Variants in SCNN1B observed in about 807,000 individuals in gnomAD.
The protein encoded by SCNN1B is sodium channel epithelial 1 subunit beta, also known as epithelial sodium channel subunit beta.
Under a neutral mutation model 65.3 loss-of-function variants are expected in SCNN1B, and 46 were observed. That is an observed-to-expected ratio of 0.70 (90% CI 0.56 to 0.90). The LOEUF (loss-of-function observed/expected upper bound fraction) is 0.90, where lower values mean the gene tolerates loss of function less well. Ranked by LOEUF, SCNN1B falls within the 40% of genes least tolerant of loss-of-function variation. SCNN1B has a pLI of 0.00. For missense variants in SCNN1B, 751 were observed against 830.5 expected, an observed-to-expected ratio of 0.90 and a Z score of 1.18; for synonymous variants, 349 against 330.6, an observed-to-expected ratio of 1.06 and a Z score of -0.60.
chr16:23,360,134 G>T (rs903199217), intron 4 of SCNN1B, among the ~76,000 whole-genome samples: 18 of 151,994 alleles, frequency 1.2e-4, no homozygotes, highest in Non-Finnish European at 1.8e-4. Context: ...GGAGGCAGAG[G>T]TTGCAGTGAG....
At chr16:23,372,020 G>A (rs1337275215) in intron 7 of SCNN1B, 137 bp downstream of exon 7, 2 of 723,250 alleles carry the variant, frequency 2.8e-6, no homozygotes, top group Non-Finnish European at 5.0e-6. Context: ...GGGCACCCCG[G>A]GCCTGTGGGA....
chr16:23,297,714 A>T (rs1210589692), upstream of SCNN1B, among the ~76,000 whole-genome samples: 1 of 152,222 alleles, frequency 6.6e-6, no homozygotes. Context: ...ATATATGAAC[A>T]AATTACTATC....
intron 5 of SCNN1B, 38 bp downstream of exon 5, chr16:23,367,997 C>A (rs1341540497): frequency 2.8e-6 from 4 of 1,446,422 alleles, no homozygotes; most frequent in Non-Finnish European, 3.9e-6. Context: ...AGCCATGAGG[C>A]TTTAACCACC....
chr16:23,281,884 T>G (rs1283029085), intron 1 of SCNN1B, among the ~76,000 whole-genome samples: 1 of 152,124 alleles, frequency 6.6e-6, no homozygotes, highest in Non-Finnish European at 1.5e-5. Context: ...TGTGGAAAAC[T>G]GGGGATCATA....
intron 1 of SCNN1B, among the ~76,000 whole-genome samples, chr16:23,306,357 G>T: frequency 6.6e-6 from 1 of 152,134 alleles, no homozygotes; most frequent in East Asian, 1.9e-4. Flanking sequence ...GTTATGTTGG[G>T]CATTAAATGA....
intron 10 of SCNN1B, among the ~76,000 whole-genome samples, 181 bp from the exon 11 acceptor site, chr16:23,378,525 C>A (rs1324650922): frequency 6.6e-6 from 1 of 152,158 alleles, no homozygotes; most frequent in African/African-American, 2.4e-5. Flanking sequence ...AGTCCTTCCT[C>A]CCCTAGAACA....
At chr16:23,366,590 C>T (rs977563233) in intron 4 of SCNN1B, among the ~76,000 whole-genome samples, 2 of 151,994 alleles carry the variant, frequency 1.3e-5, no homozygotes, top group Admixed American at 6.6e-5. Context: ...ACAAATTAGC[C>T]GGGTGTGGTG....
upstream of SCNN1B, among the ~76,000 whole-genome samples, chr16:23,300,993 C>T (rs1412124497): frequency 6.7e-6 from 1 of 148,366 alleles, no homozygotes; most frequent in Non-Finnish European, 1.5e-5. Context: ...GTTAAAAACA[C>T]GTGTGTGTGT....
At chr16:23,351,478 C>T (rs1223365987) in intron 2 of SCNN1B, among the ~76,000 whole-genome samples, 3 of 152,188 alleles carry the variant, frequency 2.0e-5, no homozygotes, top group Non-Finnish European at 4.4e-5. Context: ...ACAGACGCCA[C>T]CCTTCCCCAT....
chr16:23,318,297 C>T (rs928117809), intron 1 of SCNN1B, among the ~76,000 whole-genome samples: 7 of 152,148 alleles, frequency 4.6e-5, no homozygotes, highest in Admixed American at 1.3e-4. Context: ...TCCATCTCCT[C>T]GTCTAAAAAA....
chr16:23,358,053 G>A (rs968330298), intron 4 of SCNN1B: 9 of 152,242 alleles, frequency 5.9e-5, no homozygotes, highest in African/African-American at 1.7e-4. Context: ...CCCATCCAAC[G>A]GGATCCCAGT....
intron 1 of SCNN1B, among the ~76,000 whole-genome samples, chr16:23,326,136 CTGCT>C (rs1400201601): frequency 2.0e-5 from 3 of 151,268 alleles, no homozygotes; most frequent in Non-Finnish European, 2.9e-5. Context: ...TCTGTATTTC[CTGCT>C]TCCCTACAAC....
chr16:23,303,928 G>C, intron 1 of SCNN1B: 2 of 737,250 alleles, frequency 2.7e-6, no homozygotes, highest in Non-Finnish European at 2.4e-6. Context: ...CAGAAAAATA[G>C]AACTAGAAGT....
chr16:23,315,295 C>T (rs1961429908), intron 1 of SCNN1B, among the ~76,000 whole-genome samples: 1 of 152,110 alleles, frequency 6.6e-6, no homozygotes, highest in African/African-American at 2.4e-5. Flanking sequence ...CAAGATCGCA[C>T]CATTGCACTC....
At chr16:23,320,182 C>T (rs1961558171) in intron 1 of SCNN1B, among the ~76,000 whole-genome samples, 1 of 152,176 alleles carries the variant, frequency 6.6e-6, no homozygotes, top group Admixed American at 6.6e-5. Context: ...GTTCTGATGC[C>T]CTACTTGGAA....
intron 5 of SCNN1B, among the ~76,000 whole-genome samples, chr16:23,369,700 C>T (rs1310858553): frequency 2.6e-5 from 4 of 152,158 alleles, no homozygotes; most frequent in Non-Finnish European, 5.9e-5. Flanking sequence ...ACTTAGCCCC[C>T]ATGCTGCTGA....
At chr16:23,367,130 A>G (rs1962685431) in intron 4 of SCNN1B, among the ~76,000 whole-genome samples, 1 of 152,110 alleles carries the variant, frequency 6.6e-6, no homozygotes, top group Non-Finnish European at 1.5e-5. Context: ...CACCTGGATA[A>G]TCCAAGATGA....
At position 23,352,889 on chromosome 16, in the gene SCNN1B, G is replaced by A. The variant is rs868005922; in HGVS notation, c.400G>A (p.Ala134Thr). The change falls in exon 3 of 13, where the codon GCC (alanine) becomes ACC (threonine). Residue 134 changes from alanine (A) to threonine (T), a missense_variant. Physicochemically the swap from Ala to Thr is moderately conservative, Grantham distance 58. Coordinates refer to ENST00000343070, the MANE Select transcript of SCNN1B (RefSeq NM_000336.3). ...ERILAPELSH[A>T]NATRNLNFSI... ...AATCCTGGCTCCTGAGCTAAGCCATGCCAATGCCACCAGGAACCTGAACTT... is the reference window on the plus strand; with the variant it reads ...AATCCTGGCTCCTGAGCTAAGCCATACCAATGCCACCAGGAACCTGAACTT... 2.5e-6 allele frequency: 4 copies of A among 1,614,056 alleles called. No homozygotes were observed. Among genetic ancestry groups the A allele is most frequent in the African/African-American group, 2.7e-5 (2 of 74,912 alleles).
At chr16:23,349,358 A>T (rs1030272918) in intron 2 of SCNN1B, among the ~76,000 whole-genome samples, 1 of 152,154 alleles carries the variant, frequency 6.6e-6, no homozygotes, top group Non-Finnish European at 1.5e-5. Context: ...GTGGTGGCAC[A>T]TGTCTGTGGT....
Sources: allele counts gnomAD v4.1 joint callset (sites outside exome capture counted in the v4.1 genomes callset), GRCh38; gene constraint gnomAD v4.1.1; transcripts MANE v1.5; gene names NCBI Gene and HGNC (gene_info 2026-07-23, HGNC 2026-07-21).